Variants in DENND1B observed in about 807,000 individuals in gnomAD.
DENND1B encodes the protein DENN domain-containing protein 1B.
In DENND1B, 59 loss-of-function variants were observed where a neutral mutation model predicts 90.1. The observed-to-expected ratio is 0.65, with a 90% CI of 0.53 to 0.81. The LOEUF is 0.81. DENND1B is among the 40% of genes least tolerant of loss of function. The pLI, the probability that DENND1B is intolerant of heterozygous loss-of-function variation, is 0.00. For missense variants in DENND1B, 862 were observed against 912.6 expected, an observed-to-expected ratio of 0.94 and a Z score of 0.71; for synonymous variants, 337 against 324.6, an observed-to-expected ratio of 1.04 and a Z score of -0.41.
At chr1:197,511,095 G>C in intron 22 of DENND1B, 123 bp from the exon 23 acceptor site, 1 of 1,048,412 alleles carries the variant, frequency 9.5e-7, no homozygotes, top group Non-Finnish European at 1.3e-6. Context: ...ACAGCATTGA[G>C]AGTCAATTTT....
At chr1:197,568,535 T>A (rs905433297) in intron 15 of DENND1B, among the ~76,000 whole-genome samples, 79 of 152,134 alleles carry the variant, frequency 5.2e-4, no homozygotes, top group African/African-American at 1.8e-3. Flanking sequence ...AGACCTCAAA[T>A]AGACAAAACA....
chr1:197,514,282 G>A (rs980733169), intron 20 of DENND1B, among the ~76,000 whole-genome samples: 3 of 151,596 alleles, frequency 2.0e-5, no homozygotes, highest in Non-Finnish European at 3.0e-5. Context: ...GGACAGGCAG[G>A]ACAAATCCTT....
upstream of DENND1B, among the ~76,000 whole-genome samples, chr1:197,778,490 C>A (rs1408587870): frequency 6.6e-6 from 1 of 152,058 alleles, no homozygotes; most frequent in Non-Finnish European, 1.5e-5. Flanking sequence ...GCCTGGCCAA[C>A]TTGGTGAAAC....
intron 20 of DENND1B, among the ~76,000 whole-genome samples, chr1:197,539,692 T>C (rs926606246): frequency 1.3e-5 from 2 of 152,178 alleles, no homozygotes; most frequent in African/African-American, 2.4e-5. Flanking sequence ...TCACACTCTA[T>C]AAGAATCACA....
upstream of DENND1B, among the ~76,000 whole-genome samples, chr1:197,777,475 C>T (rs1657326573): frequency 6.6e-6 from 1 of 152,118 alleles, no homozygotes; most frequent in South Asian, 2.1e-4. Context: ...GGGATAGGAA[C>T]ATAGGTGTAC....
intron 10 of DENND1B, among the ~76,000 whole-genome samples, chr1:197,623,864 T>G (rs1185082652): frequency 6.6e-6 from 1 of 151,590 alleles, no homozygotes; most frequent in Non-Finnish European, 1.5e-5. Flanking sequence ...TAATTACATA[T>G]AAATCTAACA....
intron 2 of DENND1B, among the ~76,000 whole-genome samples, chr1:197,752,154 TAAAA>T (rs773389678): frequency 6.6e-6 from 1 of 151,374 alleles, no homozygotes; most frequent in African/African-American, 2.4e-5. Context: ...ACAAGACTAA[TAAAA>T]AAAGAGAGGT....
chr1:197,724,218 CAT>C (rs984839547), intron 2 of DENND1B, among the ~76,000 whole-genome samples: 5 of 152,060 alleles, frequency 3.3e-5, no homozygotes, highest in African/African-American at 7.2e-5. Flanking sequence ...AACATAAAAA[CAT>C]GTGTAAGCTA....
intron 2 of DENND1B, among the ~76,000 whole-genome samples, chr1:197,749,000 C>T (rs1653087073): frequency 6.6e-6 from 1 of 151,930 alleles, no homozygotes; most frequent in African/African-American, 2.4e-5. Flanking sequence ...TTATTTGAGA[C>T]AAAAACATTC....
chr1:197,742,511 G>A (rs979280424), intron 2 of DENND1B, among the ~76,000 whole-genome samples: 10 of 152,144 alleles, frequency 6.6e-5, no homozygotes, highest in Non-Finnish European at 1.0e-4. Flanking sequence ...TCATGAGGCA[G>A]TAACAGGCAC....
At chr1:197,679,919 G>C (rs1368733367) in intron 3 of DENND1B, among the ~76,000 whole-genome samples, 2 of 150,718 alleles carry the variant, frequency 1.3e-5, no homozygotes, top group African/African-American at 4.9e-5. Flanking sequence ...GGAGGCCAAG[G>C]CAGGCGGATT....
chr1:197,637,537 TCTC>T (rs1171710704), intron 10 of DENND1B, among the ~76,000 whole-genome samples: 2 of 152,118 alleles, frequency 1.3e-5, no homozygotes, highest in African/African-American at 4.8e-5. Context: ...GTAACAGAAG[TCTC>T]CTCCAAATAA....
chr1:197,584,916 C>G (rs1446880827), intron 14 of DENND1B, among the ~76,000 whole-genome samples: 1 of 152,106 alleles, frequency 6.6e-6, no homozygotes, highest in Admixed American at 6.5e-5. Context: ...CAAGTGATCT[C>G]CCCACCTCGG....
chr1:197,681,719 T>C (rs1437319703), intron 3 of DENND1B, among the ~76,000 whole-genome samples: 2 of 152,176 alleles, frequency 1.3e-5, no homozygotes, highest in Admixed American at 6.6e-5. Flanking sequence ...TCATTCTTTG[T>C]TCTTTGTCAG....
At chr1:197,568,319 A>G (rs191342842) in intron 15 of DENND1B, among the ~76,000 whole-genome samples, 16 of 152,282 alleles carry the variant, frequency 1.1e-4, no homozygotes, top group Non-Finnish European at 2.2e-4. Context: ...AATGAAAGCT[A>G]TAACACTAAT....
At chr1:197,629,446 A>C (rs1679114580) in intron 10 of DENND1B, among the ~76,000 whole-genome samples, 1 of 146,830 alleles carries the variant, frequency 6.8e-6, no homozygotes, top group Non-Finnish European at 1.5e-5. Flanking sequence ...CAAACACCGC[A>C]TGTTCTCACT....
chr1:197,741,358 A>C (rs1381408837), intron 2 of DENND1B, among the ~76,000 whole-genome samples: 1 of 152,208 alleles, frequency 6.6e-6, no homozygotes, highest in Non-Finnish European at 1.5e-5. Context: ...AGCGATTACA[A>C]TGATGCCATC....
intron 2 of DENND1B, 119 bp downstream of exon 2, chr1:197,772,749 C>A (rs1656779084): frequency 1.2e-6 from 1 of 809,336 alleles, no homozygotes; most frequent in African/African-American, 1.7e-5. Flanking sequence ...CACCTGAACC[C>A]GGGAAGGAGA....
chr1:197,755,807 A>C (rs1654204862), intron 2 of DENND1B, among the ~76,000 whole-genome samples: 1 of 151,968 alleles, frequency 6.6e-6, no homozygotes, highest in Admixed American at 6.6e-5. Context: ...TGTGCAGAGA[A>C]CTCCCGTTTT....
Sources: allele counts gnomAD v4.1 joint callset (sites outside exome capture counted in the v4.1 genomes callset), GRCh38; gene constraint gnomAD v4.1.1; transcripts MANE v1.5; gene names NCBI Gene and HGNC (gene_info 2026-07-23, HGNC 2026-07-21).